The following EYS variants were observed in gnomAD, a reference collection of about 807,000 sequenced individuals.
The protein encoded by EYS is protein eyes shut homolog.
In EYS, 250 loss-of-function variants were observed where a neutral mutation model predicts 282.1. The observed-to-expected ratio is 0.89, with a 90% CI of 0.80 to 0.98. The LOEUF is 0.98. Among genes scored for constraint, EYS ranks in the 50% least tolerant of loss-of-function variants. The pLI, the probability that EYS is intolerant of heterozygous loss-of-function variation, is 0.00. For missense variants in EYS, 4,016 were observed against 3,709.0 expected (o/e 1.08, Z -2.15); for synonymous variants, 1,355 against 1,282.9 (o/e 1.06, Z -1.20).
intron 29 of EYS, among the ~76,000 whole-genome samples, chr6:64,374,484 TG>T (rs1195406597): frequency 2.6e-5 from 4 of 151,110 alleles, no homozygotes; most frequent in Non-Finnish European, 5.9e-5. Context: ...GTGGAGAGCA[TG>T]AATGCCCCTG....
chr6:64,364,310 T>C (rs1287364738), intron 29 of EYS, among the ~76,000 whole-genome samples: 1 of 151,954 alleles, frequency 6.6e-6, no homozygotes, highest in Non-Finnish European at 1.5e-5. Context: ...TAGTTTTCTA[T>C]AATATAGAAT....
At chr6:63,954,923 T>A (rs1278855078) in intron 35 of EYS, among the ~76,000 whole-genome samples, 1 of 152,196 alleles carries the variant, frequency 6.6e-6, no homozygotes, top group Non-Finnish European at 1.5e-5. Context: ...GGAAATAACT[T>A]CTCAGTGTTC....
intron 1 of EYS, among the ~76,000 whole-genome samples, chr6:65,695,649 T>C (rs2149847898): frequency 6.6e-6 from 1 of 151,972 alleles, no homozygotes; most frequent in Admixed American, 6.6e-5. Flanking sequence ...TTTTTTTTAC[T>C]TTGCCTACCT....
intron 31 of EYS, among the ~76,000 whole-genome samples, chr6:64,151,361 A>ATATATG (rs1554212640): frequency 1.2e-5 from 1 of 85,044 alleles, no homozygotes; most frequent in African/African-American, 5.2e-5. Context: ...ATATATATAT[A>ATATATG]TAATTTTTTT....
intron 1 of EYS, among the ~76,000 whole-genome samples, chr6:65,679,960 A>G (rs2149837782): frequency 6.6e-6 from 1 of 152,046 alleles, no homozygotes; most frequent in South Asian, 2.1e-4. Context: ...AATCAGAATT[A>G]TGGTGGATGG....
intron 14 of EYS, among the ~76,000 whole-genome samples, chr6:64,995,857 G>A (rs1771242543): frequency 1.3e-5 from 2 of 152,044 alleles, no homozygotes; most frequent in African/African-American, 2.4e-5. Context: ...TGGAAGTTCT[G>A]TTATTTGGTA....
chr6:64,061,889 C>G (rs1369085088), intron 33 of EYS, among the ~76,000 whole-genome samples: 1 of 151,272 alleles, frequency 6.6e-6, no homozygotes, highest in Non-Finnish European at 1.5e-5. Flanking sequence ...ATTTGGGTGG[C>G]TGAGGCAGGA....
intron 29 of EYS, among the ~76,000 whole-genome samples, chr6:64,367,293 T>C (rs1772212657): frequency 6.6e-6 from 1 of 152,038 alleles, no homozygotes; most frequent in Non-Finnish European, 1.5e-5. Flanking sequence ...GAAAGAAATG[T>C]GTCTTAAGGA....
At chr6:64,456,099 C>A (rs910387897) in intron 26 of EYS, among the ~76,000 whole-genome samples, 1 of 151,554 alleles carries the variant, frequency 6.6e-6, no homozygotes, top group African/African-American at 2.4e-5. Context: ...ATTTTCATAC[C>A]AAAGTTTTAT....
chr6:65,119,353 G>C (rs971848623), intron 12 of EYS, among the ~76,000 whole-genome samples: 1 of 152,102 alleles, frequency 6.6e-6, no homozygotes, highest in Non-Finnish European at 1.5e-5. Flanking sequence ...TTATACCAAG[G>C]CACAAGGAGC....
chr6:65,147,987 A>G (rs1473571819), intron 12 of EYS, among the ~76,000 whole-genome samples: 2 of 152,078 alleles, frequency 1.3e-5, no homozygotes, highest in Non-Finnish European at 2.9e-5. Context: ...TACCCCTATG[A>G]GCCAATCACT....
At chr6:64,707,444 C>T (rs578184472) in intron 22 of EYS, among the ~76,000 whole-genome samples, 19 of 151,822 alleles carry the variant, frequency 1.3e-4, no homozygotes, top group Non-Finnish European at 1.8e-4. Context: ...CCGAGGTGGG[C>T]GGGTCACGAG....
chr6:64,225,079 C>T (rs115039845), intron 31 of EYS, among the ~76,000 whole-genome samples: 106 of 152,064 alleles, frequency 7.0e-4, no homozygotes, highest in Non-Finnish European at 1.2e-3. Context: ...GTGCTGGGGG[C>T]GGATAGACCA....
intron 2 of EYS, among the ~76,000 whole-genome samples, chr6:65,592,041 T>C (rs1765250612): frequency 1.3e-5 from 2 of 151,922 alleles, no homozygotes; most frequent in African/African-American, 4.8e-5. Flanking sequence ...TTGAAAATGG[T>C]ATTTCTAGGC....
At chr6:65,688,099 A>C (rs1582604110) in intron 1 of EYS, among the ~76,000 whole-genome samples, 1 of 152,258 alleles carries the variant, frequency 6.6e-6, no homozygotes, top group East Asian at 1.9e-4. Context: ...GTTCATATGG[A>C]ACCAAAAATG....
chr6:65,284,475 A>C (rs2150278031), intron 12 of EYS, among the ~76,000 whole-genome samples: 1 of 152,198 alleles, frequency 6.6e-6, no homozygotes, highest in East Asian at 1.9e-4. Context: ...TATAACTATT[A>C]AAATTGAAAA....
chr6:64,494,167 A>T (rs76352175), intron 26 of EYS, among the ~76,000 whole-genome samples: 1,840 of 151,644 alleles, frequency 0.012, 27 homozygotes, highest in African/African-American at 0.042. Flanking sequence ...TGCTATCCTC[A>T]TTGTCTCAAG....
rs144740012 is a variant in EYS, at chr6:65,267,324, T to C, written c.2023+28539A>G. Among the ~76,000 whole-genome samples, 66 of 152,044 alleles carry C rather than the reference T, an allele frequency of 4.3e-4. 1 individual carries two copies. The highest frequency in any genetic ancestry group is 4.2e-3 in the South Asian group (20 of 4,816). On this transcript the variant is annotated intron_variant, in intron 12 of 42. Transcript: ENST00000503581. ...CCACTGATATATAATAATTCTATAG[T>C]TGGGAAAATGACTAATCGCATGAAA...
chr6:63,879,237 G>A (rs321491), intron 35 of EYS, among the ~76,000 whole-genome samples: 73,714 of 151,948 alleles, frequency 0.49, 19,748 homozygotes, highest in Non-Finnish European at 0.59. Context: ...TCATTTATAG[G>A]CATATATTAT....
Sources: gnomAD v4.1 joint callset for allele counts (sites outside exome capture counted in the v4.1 genomes callset) on GRCh38, gnomAD v4.1.1 for gene constraint, MANE v1.5 for transcripts, NCBI Gene and HGNC (gene_info 2026-07-23, HGNC 2026-07-21) for gene names.